Variants in TMEM212 observed in about 807,000 individuals in gnomAD.
TMEM212 encodes the protein transmembrane protein 212.
Under a neutral mutation model 20.5 loss-of-function variants are expected in TMEM212, and 23 were observed. That is an observed-to-expected ratio of 1.12 (90% CI 0.81 to 1.59). TMEM212 has a LOEUF of 1.59. Ranked by LOEUF, TMEM212 falls within the 40% of genes most tolerant of loss-of-function variation. The pLI, the probability that TMEM212 is intolerant of heterozygous loss-of-function variation, is 0.00. For synonymous variants in TMEM212, 76 were observed against 81.6 expected (o/e 0.93, Z 0.37); for missense variants, 211 against 215.0 (o/e 0.98, Z 0.12).
rs567171715 is a variant in TMEM212 at position 171,849,457 on chromosome 3, C to A, written c.160-2525C>A. ...ATCTTGTTCATCTTATTTAGCCTTT[C>A]TGTGCCTCATTTTAAAAGTGGGAGG... On this transcript the variant is annotated intron_variant, in intron 1 of 4. Transcript: ENST00000334567. Among the ~76,000 whole-genome samples, 6 of 152,182 alleles carry A rather than the reference C, an allele frequency of 3.9e-5. No individual in the cohort carries two copies. The East Asian group carries it at 9.6e-4, about 24-fold the overall frequency.
intron 2 of TMEM212, 116 bp from the exon 3 acceptor site, chr3:171,853,411 C>T (rs929341787): frequency 2.6e-5 from 22 of 833,456 alleles, no homozygotes; most frequent in Middle Eastern, 3.7e-4. Context: ...ATTTCTCCCT[C>T]ATTTTCCAAT....
In TMEM212 at chr3:171,851,982, GC is replaced by G; in HGVS notation, c.162del (p.Ile55SerfsTer27). On this transcript the variant is annotated frameshift_variant and splice_region_variant, in exon 2 of 5. Coordinates refer to ENST00000334567, the MANE Select transcript of TMEM212 (RefSeq NM_001164436.2). LOFTEE classifies it high-confidence loss of function. ...IACPIWNGAL[A>X]ITTGVLLLLA... ...TTATTTTTCCATTTTCTTGTCACAG[GC>G]CATCACAACTGGTGTGCTTCTACTG... is the stretch of plus-strand genomic sequence containing the variant. The G allele has an allele frequency of 2.0e-6, 3 of 1,536,884 alleles. No individual in the cohort carries two copies. The highest frequency in any genetic ancestry group is 2.6e-6 in the Non-Finnish European group (3 of 1,146,646).
chr3:171,859,009 A>G lies in TMEM212; in HGVS notation c.*952A>G, dbSNP rs879872974. The G allele has an allele frequency of 1.3e-5, 2 of 152,220 alleles. No homozygotes were observed. Among genetic ancestry groups the G allele is most frequent in the Non-Finnish European group, 2.9e-5 (2 of 68,066 alleles). The allele number at this position is 152,220 out of a possible 1,614,324, so 9.4% of individuals were successfully genotyped here. On this transcript the variant is annotated 3_prime_UTR_variant, in exon 5 of 5. Coordinates refer to ENST00000334567, the MANE Select transcript of TMEM212 (RefSeq NM_001164436.2). ...GTTCATGTCCTTTGCAGGGACATAGATGAAGCTGGAAACCATCATTCTCCG... is the reference window on the plus strand; with the variant it reads ...GTTCATGTCCTTTGCAGGGACATAGGTGAAGCTGGAAACCATCATTCTCCG...
rs1405655045 is a variant in TMEM212, at chr3:171,853,587, A to G, written c.280A>G (p.Ile94Val). The G allele has an allele frequency of 1.3e-6, 2 of 1,537,176 alleles. No individual in the cohort carries two copies. The highest frequency in any genetic ancestry group is 1.7e-6 in the Non-Finnish European group (2 of 1,146,848). ...TATGGGATGTCCACTTCATTTTGCAATAGCCTTGGAATCTGCTCTCCTGGG... is the reference window on the plus strand; with the variant it reads ...TATGGGATGTCCACTTCATTTTGCAGTAGCCTTGGAATCTGCTCTCCTGGG... ...SIMGCPLHFAIALESALLGPY... is the reference protein window; with the variant it reads ...SIMGCPLHFAVALESALLGPY... The change falls in exon 3 of 5, where the codon ATA becomes GTA. Residue 94 changes from isoleucine to valine, a missense_variant. Transcript: ENST00000334567.
chr3:171,847,779 C>T (rs546613774), intron 1 of TMEM212, among the ~76,000 whole-genome samples: 59 of 151,746 alleles, frequency 3.9e-4, no homozygotes, highest in African/African-American at 1.3e-3. Context: ...TCAGACATCA[C>T]GGTGGGGATG....
In TMEM212 at chr3:171,858,998, C is replaced by G. The variant is rs1167851104; in HGVS notation, c.*941C>G. ...AAAAAGGATGAGTTCATGTCCTTTG[C>G]AGGGACATAGATGAAGCTGGAAACC... On this transcript the variant is annotated 3_prime_UTR_variant, in exon 5 of 5. Transcript: ENST00000334567. 3 of 152,146 alleles carry G rather than the reference C, an allele frequency of 2.0e-5. No homozygotes were observed. The highest frequency in any genetic ancestry group is 7.2e-5 in the African/African-American group (3 of 41,420). The allele number at this position is 152,146 out of a possible 1,614,324, so 9.4% of individuals were successfully genotyped here. A position where few individuals can be genotyped will look rare whatever the true frequency, so the allele number is the denominator to read the frequency against.
Position 171,852,008 on chromosome 3 carries a change from G to C in TMEM212, c.186G>C (p.Leu62=), listed in dbSNP as rs749398714. ...CCATCACAACTGGTGTGCTTCTACT[G>C]TTGGCTTACAGAGAGTGGACCCAGA... is the stretch of plus-strand genomic sequence containing the variant. ...ALAITTGVLL[L]LAYREWTQRY... Residue 62 remains leucine, a synonymous_variant, in exon 2 of 5, where the codon CTG becomes CTC. Transcript: ENST00000334567. 16 of 1,536,936 alleles carry C rather than the reference G, an allele frequency of 1.0e-5. No homozygotes were observed. The highest frequency in any genetic ancestry group is 2.0e-5 in the Admixed American group (1 of 50,980).
intron 1 of TMEM212, among the ~76,000 whole-genome samples, chr3:171,851,374 G>C (rs73032463): frequency 0.016 from 2,401 of 152,196 alleles, 81 homozygotes; most frequent in African/African-American, 0.055. Flanking sequence ...CTTCAACAGA[G>C]ACTATAAAGA....
chr3:171,853,442 A>G, intron 2 of TMEM212, 85 bp from the exon 3 acceptor site: 1 of 1,121,366 alleles, frequency 8.9e-7, no homozygotes, highest in Non-Finnish European at 1.2e-6. Flanking sequence ...CATAGCCAGC[A>G]TCTCTTTTAT....
chr3:171,855,350 T>C (rs763058103), intron 3 of TMEM212, among the ~76,000 whole-genome samples: 3 of 152,138 alleles, frequency 2.0e-5, no homozygotes, highest in Non-Finnish European at 2.9e-5. Context: ...TGGTAGCTCA[T>C]ACCTGTAATC....
intron 3 of TMEM212, among the ~76,000 whole-genome samples, chr3:171,855,937 A>T (rs1725104256): frequency 6.6e-6 from 1 of 152,200 alleles, no homozygotes; most frequent in Non-Finnish European, 1.5e-5. Flanking sequence ...AAAAAGGAAA[A>T]TAGTTTTTTT....
chr3:171,843,513 AT>A lies in TMEM212; in HGVS notation c.132del (p.Ile44MetfsTer38). 6.5e-7 allele frequency: 1 copy of A among 1,536,634 alleles called. No homozygotes were observed. The highest frequency in any genetic ancestry group is 8.7e-7 in the Non-Finnish European group (1 of 1,146,584). ...TTGGTTCACAGGATGGAGTGTTCGA[AT>A]TGCTTGTCCTATCTGGAATGGAGCT... is the stretch of plus-strand genomic sequence containing the variant. Reference protein sequence around the residue: ...KPWFTGWSVRIACPIWNGALA... With the variant: ...KPWFTGWSVRXACPIWNGALA... On this transcript the variant is annotated frameshift_variant, in exon 1 of 5. Coordinates refer to ENST00000334567, the MANE Select transcript of TMEM212 (RefSeq NM_001164436.2). LOFTEE classifies it high-confidence loss of function.
At chr3:171,850,643 A>G (rs1451807386) in intron 1 of TMEM212, among the ~76,000 whole-genome samples, 1 of 152,198 alleles carries the variant, frequency 6.6e-6, no homozygotes, top group Non-Finnish European at 1.5e-5. Flanking sequence ...GTTGCTCTTA[A>G]TAATTCTTTT....
chr3:171,855,299 C>A lies in TMEM212; in HGVS notation c.544-1364C>A, dbSNP rs529985459. Among the ~76,000 whole-genome samples, 4 of 152,144 alleles carry A rather than the reference C, an allele frequency of 2.6e-5. No homozygotes were observed. In the East Asian group the frequency reaches 7.7e-4, roughly 29 times the overall value. On this transcript the variant is annotated intron_variant, in intron 3 of 4. Coordinates refer to ENST00000334567, the MANE Select transcript of TMEM212 (RefSeq NM_001164436.2). ...TTATCTAAAGTAGGAAAGGGAATTG[C>A]TTTTTAAACAAGCAAATAAAATATC...
At chr3:171,848,090 C>T (rs918382415) in intron 1 of TMEM212, among the ~76,000 whole-genome samples, 21 of 152,184 alleles carry the variant, frequency 1.4e-4, no homozygotes, top group African/African-American at 5.1e-4. Flanking sequence ...TCCAACTTCC[C>T]TGTCATTGTC....
At chr3:171,843,580 AAG>A in intron 1 of TMEM212, 38 bp downstream of exon 1, 4 of 1,481,110 alleles carry the variant, frequency 2.7e-6, no homozygotes, top group Non-Finnish European at 3.6e-6. Flanking sequence ...GAGAAAATAA[AAG>A]AAGGTGGGAG....
chr3:171,852,990 G>A (rs1725019974), intron 2 of TMEM212, among the ~76,000 whole-genome samples: 1 of 152,198 alleles, frequency 6.6e-6, no homozygotes, highest in African/African-American at 2.4e-5. Context: ...CTGAGTAGCT[G>A]AGTAGCAAGA....
intron 1 of TMEM212, among the ~76,000 whole-genome samples, chr3:171,845,976 C>G (rs890635089): frequency 6.6e-6 from 1 of 152,190 alleles, no homozygotes; most frequent in African/African-American, 2.4e-5. Flanking sequence ...GCCCTACTCT[C>G]TGTTCAAGCC....
rs140422479 is a variant in TMEM212, at chr3:171,851,535, G to T, written c.160-447G>T. 2.6e-3 allele frequency among the ~76,000 whole-genome samples: 390 copies of T among 152,340 alleles called. 4 individuals carry two copies. Among genetic ancestry groups the T allele is most frequent in the Middle Eastern group, 0.02 (6 of 294 alleles). On this transcript the variant is annotated intron_variant, in intron 1 of 4. Transcript: ENST00000334567. ...AGGCTGAGGCTATGGAATCTCAAAA[G>T]AAAGCAAATAGCAAAAGAGAAAGTC...
Sources: allele counts gnomAD v4.1 joint callset (sites outside exome capture counted in the v4.1 genomes callset), GRCh38; gene constraint gnomAD v4.1.1; transcripts MANE v1.5; gene names NCBI Gene and HGNC (gene_info 2026-07-23, HGNC 2026-07-21).